ZEB1: variants seen among roughly 807,000 people sequenced by gnomAD.
The protein encoded by ZEB1 is zinc finger E-box binding homeobox 1.
ZEB1 carries 21 observed loss-of-function variants against 84.9 expected under a neutral mutation model. The ratio of observed to expected loss-of-function variants is 0.25; its 90% confidence interval spans 0.18 to 0.36. The LOEUF (loss-of-function observed/expected upper bound fraction) is 0.36. Among genes scored for constraint, ZEB1 ranks in the 10% least tolerant of loss-of-function variants. The pLI is 1.00. For missense variants in ZEB1, 1,104 were observed against 1,330.2 expected (o/e 0.83, Z 2.65); for synonymous variants, 420 against 471.1 (o/e 0.89, Z 1.41).
chr10:31,326,091 A>G (rs1302066401), intron 1 of ZEB1, among the ~76,000 whole-genome samples: 1 of 151,118 alleles, frequency 6.6e-6, no homozygotes, highest in African/African-American at 2.4e-5. Flanking sequence ...ATAACTTTTT[A>G]TCTGAAAACT....
intron 1 of ZEB1, among the ~76,000 whole-genome samples, chr10:31,417,949 G>GAATAC (rs2055495574): frequency 6.6e-6 from 1 of 152,002 alleles, no homozygotes; most frequent in Non-Finnish European, 1.5e-5. Flanking sequence ...ATAAGTTCTT[G>GAATAC]AATACAGGTA....
intron 2 of ZEB1, among the ~76,000 whole-genome samples, chr10:31,465,570 T>G (rs1396577824): frequency 1.3e-5 from 2 of 152,084 alleles, no homozygotes; most frequent in Non-Finnish European, 2.9e-5. Context: ...ATAATTACTT[T>G]AAATGCAAAT....
chr10:31,380,193 T>A (rs565487573), intron 1 of ZEB1, among the ~76,000 whole-genome samples: 1 of 151,348 alleles, frequency 6.6e-6, no homozygotes, highest in Non-Finnish European at 1.5e-5. Flanking sequence ...TTCCCTCCCC[T>A]TTTCCCTTTA....
Position 31,410,686 on chromosome 10 carries a change from G to A in ZEB1, c.59-50351G>A, listed in dbSNP as rs190438791. Among the ~76,000 whole-genome samples the A allele has an allele frequency of 5.4e-3, 819 of 152,232 alleles. 10 individuals are homozygous for A. The highest frequency in any genetic ancestry group is 0.019 in the African/African-American group (771 of 41,514). Reference sequence around the variant, plus strand: ...AATTACTGCCTCAGTTTCAGAACTTGTTATTGGTCTATTCAGGGATTTGAC... The same window carrying A: ...AATTACTGCCTCAGTTTCAGAACTTATTATTGGTCTATTCAGGGATTTGAC... On this transcript the variant is annotated intron_variant, in intron 1 of 8. Coordinates refer to ENST00000424869, the MANE Select transcript of ZEB1 (RefSeq NM_001174096.2).
At chr10:31,424,848 T>A (rs2056720823) in intron 1 of ZEB1, among the ~76,000 whole-genome samples, 3 of 152,054 alleles carry the variant, frequency 2.0e-5, no homozygotes, top group Admixed American at 2.0e-4. Context: ...TGCCTTATTT[T>A]ACATTTTCAG....
intron 1 of ZEB1, among the ~76,000 whole-genome samples, chr10:31,406,833 G>C (rs1330725402): frequency 1.3e-5 from 2 of 152,022 alleles, no homozygotes; most frequent in African/African-American, 2.4e-5. Flanking sequence ...TAGGTCTTAT[G>C]TTTAAGTGTT....
At position 31,427,579 on chromosome 10, in the gene ZEB1, G is replaced by A. The variant is rs117745106; in HGVS notation, c.59-33458G>A. On this transcript the variant is annotated intron_variant, in intron 1 of 8. Transcript: ENST00000424869. ...AAAAGGCAATGAATCTTGGCCAGGC[G>A]CGGTGGCTCAACGCCTGTAATCCCA... Among the ~76,000 whole-genome samples, 218 of 152,234 alleles carry A rather than the reference G, an allele frequency of 1.4e-3. 5 individuals are homozygous for A. The East Asian group carries it at 0.038, about 27-fold the overall frequency.
chr10:31,395,973 T>C (rs1360586404), intron 1 of ZEB1, among the ~76,000 whole-genome samples: 1 of 152,198 alleles, frequency 6.6e-6, no homozygotes. Context: ...TAAGTAATCA[T>C]GATCATGCAC....
chr10:31,484,177 A>G (rs2065432097), intron 2 of ZEB1, among the ~76,000 whole-genome samples: 1 of 151,968 alleles, frequency 6.6e-6, no homozygotes, highest in Admixed American at 6.6e-5. Flanking sequence ...ATCCAGGATA[A>G]TCTCCCCACC....
intron 2 of ZEB1, among the ~76,000 whole-genome samples, chr10:31,464,622 C>G (rs953803855): frequency 9.9e-5 from 15 of 152,104 alleles, no homozygotes; most frequent in African/African-American, 3.6e-4. Context: ...TATGAAAAGT[C>G]AACGACAGTT....
At position 31,415,061 on chromosome 10, in the gene ZEB1, T is replaced by G. The variant is rs180901184; in HGVS notation, c.59-45976T>G. On this transcript the variant is annotated intron_variant, in intron 1 of 8. Coordinates refer to ENST00000424869, the MANE Select transcript of ZEB1 (RefSeq NM_001174096.2). Reference sequence around the variant, plus strand: ...GTACATTGTTGCTTGTTCAAAATCATTTTACAATCCACTTTGCCCACCTCC... The same window carrying G: ...GTACATTGTTGCTTGTTCAAAATCAGTTTACAATCCACTTTGCCCACCTCC... 3.9e-5 allele frequency among the ~76,000 whole-genome samples: 6 copies of G among 152,304 alleles called. No homozygotes were observed. In the East Asian group the frequency reaches 1.2e-3, roughly 29 times the overall value.
intron 1 of ZEB1, among the ~76,000 whole-genome samples, chr10:31,428,999 A>G (rs2057343426): frequency 6.6e-6 from 1 of 151,926 alleles, no homozygotes; most frequent in African/African-American, 2.4e-5. Flanking sequence ...ATACCATTGG[A>G]TCTTGGTTTT....
intron 1 of ZEB1, chr10:31,387,822 T>C: frequency 1.1e-6 from 1 of 932,344 alleles, no homozygotes; most frequent in Non-Finnish European, 1.3e-6. Context: ...AAATTTTTTA[T>C]GTCAGATCTT....
intron 1 of ZEB1, among the ~76,000 whole-genome samples, chr10:31,400,465 C>A (rs2051754574): frequency 6.6e-6 from 1 of 151,886 alleles, no homozygotes; most frequent in African/African-American, 2.4e-5. Flanking sequence ...CTTTTTTGCA[C>A]AGATCCTTAG....
intron 4 of ZEB1, among the ~76,000 whole-genome samples, chr10:31,504,018 T>C: frequency 7.2e-6 from 1 of 138,374 alleles, no homozygotes; most frequent in African/African-American, 3.5e-5. Flanking sequence ...TGCTGAGTCT[T>C]AGCAATAAAG....
intron 1 of ZEB1, among the ~76,000 whole-genome samples, chr10:31,409,105 CAAAA>C (rs1331934007): frequency 2.0e-5 from 3 of 152,166 alleles, no homozygotes; most frequent in Non-Finnish European, 4.4e-5. Flanking sequence ...AGACACTTCT[CAAAA>C]GAAGACATTT....
At chr10:31,447,294 G>T (rs1158268228) in intron 1 of ZEB1, among the ~76,000 whole-genome samples, 1 of 142,838 alleles carries the variant, frequency 7.0e-6, no homozygotes, top group Non-Finnish European at 1.5e-5. Context: ...CTTTTATTTT[G>T]AGCCTATGTG....
At chr10:31,414,643 G>T (rs892715584) in intron 1 of ZEB1, among the ~76,000 whole-genome samples, 4 of 152,114 alleles carry the variant, frequency 2.6e-5, no homozygotes, top group African/African-American at 9.7e-5. Context: ...GATTTTAGAG[G>T]TTGTGAGTTG....
chr10:31,338,566 C>T (rs974064337), intron 1 of ZEB1, among the ~76,000 whole-genome samples: 6 of 152,072 alleles, frequency 3.9e-5, no homozygotes, highest in African/African-American at 7.2e-5. Context: ...TATTTTTGAG[C>T]GGTGCCAGCA....
Sources: allele counts gnomAD v4.1 joint callset (sites outside exome capture counted in the v4.1 genomes callset), GRCh38; gene constraint gnomAD v4.1.1; transcripts MANE v1.5; gene names NCBI Gene and HGNC (gene_info 2026-07-23, HGNC 2026-07-21).